The following NT5DC3 variants were observed in gnomAD, a reference collection of about 807,000 sequenced individuals.
NT5DC3 encodes 5'-nucleotidase domain-containing protein 3.
In NT5DC3, 42 loss-of-function variants were observed where a neutral mutation model predicts 67.8. The ratio of observed to expected loss-of-function variants is 0.62; its 90% CI spans 0.48 to 0.80. The LOEUF (loss-of-function observed/expected upper bound fraction) is 0.80. Among genes scored for constraint, NT5DC3 ranks in the 30% least tolerant of loss-of-function variants. The pLI is 0.00. For missense variants in NT5DC3, 570 were observed against 696.4 expected (o/e 0.82, Z 2.04); for synonymous variants, 237 against 255.6 (o/e 0.93, Z 0.69).
At chr12:103,769,989 T>C (rs1885145045), downstream of NT5DC3, among the ~76,000 whole-genome samples, 3 of 152,338 alleles carry the variant, frequency 2.0e-5, no homozygotes, top group South Asian at 6.2e-4. Flanking sequence ...TCGGCAGGAC[T>C]TCCTGGAGGG....
chr12:103,778,160 C>A, intron 13 of NT5DC3, 79 bp from the exon 14 acceptor site: 9 of 1,318,290 alleles, frequency 6.8e-6, no homozygotes, highest in South Asian at 3.2e-5. Flanking sequence ...ATCAAAATCA[C>A]TTCTTTTTTT....
At chr12:103,791,386 C>T (rs74625467) in intron 9 of NT5DC3, among the ~76,000 whole-genome samples, 5 of 152,074 alleles carry the variant, frequency 3.3e-5, no homozygotes, top group Non-Finnish European at 7.4e-5. Flanking sequence ...CAACCTCCCC[C>T]ACTTCTTCCT....
In NT5DC3 at chr12:103,793,920, T is replaced by C. The variant is rs778911861; in HGVS notation, c.814+17A>G. 57 of 1,595,954 alleles carry C rather than the reference T, an allele frequency of 3.6e-5. No homozygotes were observed. The highest frequency in any genetic ancestry group is 4.2e-5 in the Non-Finnish European group (49 of 1,164,304). On this transcript the variant is annotated intron_variant, in intron 7 of 13. Transcript: ENST00000392876. ...AGAAAGGCTGAAACTCTCTTCGTGA[T>C]ACTGCTGAGCACATACCAATGTCTG... is the stretch of plus-strand genomic sequence containing the variant.
intron 12 of NT5DC3, among the ~76,000 whole-genome samples, chr12:103,782,916 G>A (rs774550225): frequency 6.6e-6 from 1 of 152,096 alleles, no homozygotes; most frequent in Non-Finnish European, 1.5e-5. Flanking sequence ...AACCTGGGAG[G>A]TGAAGGCTGC....
chr12:103,783,792 C>CAAAA (rs35278033), intron 12 of NT5DC3, among the ~76,000 whole-genome samples: 27 of 142,636 alleles, frequency 1.9e-4, no homozygotes, highest in African/African-American at 6.7e-4. Context: ...AAAATAAAAC[C>CAAAA]AAAAAAAAAA....
At chr12:103,821,256 T>A (rs988598024) in intron 1 of NT5DC3, among the ~76,000 whole-genome samples, 4 of 152,224 alleles carry the variant, frequency 2.6e-5, no homozygotes, top group African/African-American at 9.6e-5. Context: ...AATAAGCCAC[T>A]GGGATTTTGG....
At chr12:103,746,414 A>G in the NT5DC3 span, 2 of 594,286 alleles carry the variant, frequency 3.4e-6, no homozygotes, top group East Asian at 2.8e-5. Context: ...ATAAAAGAGT[A>G]ATTCTAGAAT....
intron 1 of NT5DC3, among the ~76,000 whole-genome samples, chr12:103,839,092 C>G (rs1888271634): frequency 6.6e-6 from 1 of 152,198 alleles, no homozygotes; most frequent in African/African-American, 2.4e-5. Context: ...TACATCTGTG[C>G]TCTCATGCAT....
intron 5 of NT5DC3, among the ~76,000 whole-genome samples, chr12:103,797,847 T>C (rs1255757770): frequency 6.6e-6 from 1 of 152,212 alleles, no homozygotes; most frequent in Admixed American, 6.5e-5. Context: ...CTGTAAAAGA[T>C]GCATTTATAC....
the NT5DC3 span, chr12:103,758,022 A>T: frequency 8.5e-7 from 1 of 1,172,906 alleles, no homozygotes; most frequent in Non-Finnish European, 1.2e-6. Context: ...CCCACGGCGC[A>T]GGCAGAAGAC....
At chr12:103,760,203 G>A in the NT5DC3 span, among the ~76,000 whole-genome samples, 1 of 152,162 alleles carries the variant, frequency 6.6e-6, no homozygotes, top group Non-Finnish European at 1.5e-5. Context: ...TGCAACTGCC[G>A]TTTCTCAAGT....
chr12:103,795,953 G>A (rs576768297), intron 6 of NT5DC3, among the ~76,000 whole-genome samples: 5 of 152,254 alleles, frequency 3.3e-5, no homozygotes, highest in Non-Finnish European at 5.9e-5. Flanking sequence ...ATAAATTGGC[G>A]TTATTCAAGG....
At chr12:103,796,070 T>C (rs1886299693) in intron 6 of NT5DC3, among the ~76,000 whole-genome samples, 2 of 152,154 alleles carry the variant, frequency 1.3e-5, no homozygotes, top group South Asian at 2.1e-4. Flanking sequence ...TTTGTCTACA[T>C]CCCCCGTCCC....
chr12:103,795,699 G>A (rs1886282164), intron 6 of NT5DC3, among the ~76,000 whole-genome samples: 1 of 151,696 alleles, frequency 6.6e-6, no homozygotes, highest in African/African-American at 2.4e-5. Context: ...TTATAAATAT[G>A]TTATAACTAT....
chr12:103,819,953 A>G (rs7314150), intron 1 of NT5DC3, among the ~76,000 whole-genome samples: 22,853 of 152,094 alleles, frequency 0.15, 2,068 homozygotes, highest in East Asian at 0.47. Context: ...CAGCTTTCCC[A>G]GCAACTACCG....
chr12:103,747,361 G>C, the NT5DC3 span, among the ~76,000 whole-genome samples: 6 of 152,176 alleles, frequency 3.9e-5, no homozygotes, highest in Non-Finnish European at 7.3e-5. Flanking sequence ...TAACAGGTTG[G>C]AAGTATTCAG....
chr12:103,826,737 C>T (rs1887713374), intron 1 of NT5DC3, among the ~76,000 whole-genome samples: 2 of 152,212 alleles, frequency 1.3e-5, no homozygotes, highest in Non-Finnish European at 2.9e-5. Flanking sequence ...AGACAATCTG[C>T]CTTTTTCACT....
At chr12:103,768,929 C>T (rs968130028), downstream of NT5DC3, 3 of 152,002 alleles carry the variant, frequency 2.0e-5, no homozygotes, top group African/African-American at 7.3e-5. Context: ...CCACTCAGAG[C>T]CTCGAAGACA....
rs1464024010 is a variant in NT5DC3 at position 103,781,470 on chromosome 12, A to G, written c.1330-1106T>C. Among the ~76,000 whole-genome samples the G allele has an allele frequency of 2.0e-5, 3 of 152,162 alleles. 1 individual carries two copies. The highest frequency in any genetic ancestry group is 2.0e-4 in the Admixed American group (3 of 15,278). On this transcript the variant is annotated intron_variant, in intron 12 of 13. Transcript: ENST00000392876. Reference sequence around the variant, plus strand: ...CACCCTTCGGGCCTTACCTCCCACGAAGCACCCAGCAGCTGGCTGGGGCGC... The same window carrying G: ...CACCCTTCGGGCCTTACCTCCCACGGAGCACCCAGCAGCTGGCTGGGGCGC...
Sources: gnomAD v4.1 joint callset for allele counts (sites outside exome capture counted in the v4.1 genomes callset) on GRCh38, gnomAD v4.1.1 for gene constraint, MANE v1.5 for transcripts, NCBI Gene and HGNC (gene_info 2026-07-23, HGNC 2026-07-21) for gene names.